Variants in DDHD1 observed in about 807,000 individuals in gnomAD.
The protein encoded by DDHD1 is phospholipase DDHD1.
Under a neutral mutation model 96.4 loss-of-function variants are expected in DDHD1, and 49 were observed. The ratio of observed to expected loss-of-function variants is 0.51; its 90% CI spans 0.40 to 0.64. DDHD1 has a LOEUF of 0.64. Ranked by LOEUF, DDHD1 falls within the 30% of genes least tolerant of loss-of-function variation. The pLI, the probability that DDHD1 is intolerant of heterozygous loss-of-function variation, is 0.00. For synonymous variants in DDHD1, 442 were observed against 446.5 expected (o/e 0.99, Z 0.13); for missense variants, 1,106 against 1,161.2 (o/e 0.95, Z 0.69).
At chr14:53,073,417 C>T (rs1258754007) in intron 5 of DDHD1, among the ~76,000 whole-genome samples, 1 of 151,928 alleles carries the variant, frequency 6.6e-6, no homozygotes, top group Non-Finnish European at 1.5e-5. Context: ...AAAGTACTGA[C>T]AAATCAACTT....
rs534574091 is a variant in DDHD1 at position 53,130,420 on chromosome 14, C to T, written c.838+21841G>A. On this transcript the variant is annotated intron_variant, in intron 1 of 12. Coordinates refer to ENST00000673822, the MANE Select transcript of DDHD1 (RefSeq NM_001160148.2). ...TTAACAACCCTTAGACGTTTTACCA[C>T]CCTAGACCCAGAGGGGCCAGAAGTC... Among the ~76,000 whole-genome samples the T allele has an allele frequency of 2.0e-5, 3 of 152,314 alleles. No individual in the cohort carries two copies. In the East Asian group the frequency reaches 5.8e-4, roughly 29 times the overall value.
chr14:53,150,628 T>C (rs1566612474), intron 1 of DDHD1, among the ~76,000 whole-genome samples: 1 of 152,190 alleles, frequency 6.6e-6, no homozygotes, highest in Non-Finnish European at 1.5e-5. Flanking sequence ...CCGTCCCCTC[T>C]CCAAGGATAC....
chr14:53,117,599 A>G (rs1205024016), intron 1 of DDHD1, among the ~76,000 whole-genome samples: 1 of 152,182 alleles, frequency 6.6e-6, no homozygotes, highest in Non-Finnish European at 1.5e-5. Flanking sequence ...GGAAAGGGGC[A>G]TCTGCCATTG....
chr14:53,149,125 T>G (rs1277483568), intron 1 of DDHD1, among the ~76,000 whole-genome samples: 1 of 152,368 alleles, frequency 6.6e-6, no homozygotes, highest in Non-Finnish European at 1.5e-5. Flanking sequence ...GAAGACAAAT[T>G]CTGTTCTCCT....
rs749564580 is a variant in DDHD1, at chr14:53,046,877, G to A, written c.2594C>T (p.Thr865Met). The A allele has an allele frequency of 1.2e-5, 19 of 1,613,690 alleles. No homozygotes were observed. The highest frequency in any genetic ancestry group is 2.2e-5 in the East Asian group (1 of 44,874). ...LVESRYWSAV[T>M]SHTAYWSSLD... ...GGATGACCAATAGGCAGTATGCGAC[G>A]TGACAGCTGACCAATAGCGGCTCTC... The change falls in exon 13 of 13, where the codon ACG becomes ATG. Residue 865 changes from threonine to methionine, a missense_variant. Transcript: ENST00000673822.
intron 1 of DDHD1, among the ~76,000 whole-genome samples, chr14:53,116,303 T>C (rs1888538710): frequency 6.6e-6 from 1 of 152,172 alleles, no homozygotes; most frequent in Admixed American, 6.5e-5. Flanking sequence ...ACTGTCAATA[T>C]TAGACGGATC....
At chr14:53,061,266 C>T in intron 7 of DDHD1, 65 bp from the exon 8 acceptor site, 1 of 1,417,314 alleles carries the variant, frequency 7.1e-7, no homozygotes, top group Non-Finnish European at 9.5e-7. Flanking sequence ...TAGATGCTTG[C>T]TAGCTTACTA....
At position 53,054,584 on chromosome 14, in the gene DDHD1, C is replaced by T; in HGVS notation, c.2291G>A (p.Arg764Lys). The T allele has an allele frequency of 6.2e-7, 1 of 1,614,038 alleles. No individual in the cohort carries two copies. The change falls in exon 11 of 13, where the codon AGA (arginine) becomes AAA (lysine). Residue 764 changes from arginine to lysine, a missense_variant. This residue lies in a region of DDHD1 where 650 missense variants were observed against 758.8 expected (regional missense o/e 0.86). Coordinates refer to ENST00000673822, the MANE Select transcript of DDHD1 (RefSeq NM_001160148.2). Reference sequence around the variant, plus strand: ...CTGTGTTGTAGATGAACGTCCAAATCTTGAGAACAACATTCCTCCAAGTCC... The same window carrying T: ...CTGTGTTGTAGATGAACGTCCAAATTTTGAGAACAACATTCCTCCAAGTCC... The part of the protein sequence containing the change: ...GKGLGGMLFS[R>K]FGRSSTTQSS...
chr14:53,086,472 G>A (rs533284501), intron 4 of DDHD1, among the ~76,000 whole-genome samples: 1 of 152,324 alleles, frequency 6.6e-6, no homozygotes, highest in South Asian at 2.1e-4. Flanking sequence ...AACTCCACAA[G>A]CCAGAAGAGA....
chr14:53,083,018 T>A (rs1885620870), intron 4 of DDHD1, among the ~76,000 whole-genome samples: 1 of 152,114 alleles, frequency 6.6e-6, no homozygotes, highest in Non-Finnish European at 1.5e-5. Flanking sequence ...GGACAAAGGA[T>A]AATGAGGGAA....
chr14:53,129,958 C>T lies in DDHD1; in HGVS notation c.838+22303G>A, dbSNP rs192242037. Among the ~76,000 whole-genome samples the T allele has an allele frequency of 6.6e-5, 10 of 152,296 alleles. No individual in the cohort carries two copies. In the East Asian group the frequency reaches 1.9e-3, roughly 29 times the overall value. On this transcript the variant is annotated intron_variant, in intron 1 of 12. Coordinates refer to ENST00000673822, the MANE Select transcript of DDHD1 (RefSeq NM_001160148.2). ...GCATTCTTTTACACATCGGTCCCTCCCTAGTCTCTGCTCGCAATGCGACTC... is the reference window on the plus strand; with the variant it reads ...GCATTCTTTTACACATCGGTCCCTCTCTAGTCTCTGCTCGCAATGCGACTC...
rs1959351 is a variant in DDHD1, at chr14:53,073,531, A to G, written c.1396+210T>C. Among the ~76,000 whole-genome samples the G allele has an allele frequency of 0.79, 120,046 of 151,990 alleles. 48,292 individuals are homozygous for G. Among genetic ancestry groups the G allele is most frequent in the East Asian group, 0.98 (5,083 of 5,180 alleles). On this transcript the variant is annotated intron_variant, in intron 5 of 12. Coordinates refer to ENST00000673822, the MANE Select transcript of DDHD1 (RefSeq NM_001160148.2). ...CAGTGCTATCTATGAAATCTATGTA[A>G]TGGTCCAAATGATATTAGTCAGTAT...
chr14:53,099,573 C>T (rs1887144520), intron 2 of DDHD1, among the ~76,000 whole-genome samples: 1 of 152,208 alleles, frequency 6.6e-6, no homozygotes, highest in Non-Finnish European at 1.5e-5. Context: ...ATGTGCTGCA[C>T]TTACCCATTC....
At chr14:53,067,061 T>A (rs754798413) in intron 6 of DDHD1, among the ~76,000 whole-genome samples, 1 of 151,606 alleles carries the variant, frequency 6.6e-6, no homozygotes, top group Non-Finnish European at 1.5e-5. Flanking sequence ...CAGGATAGTA[T>A]CAAGTAGGGG....
At chr14:53,083,488 T>C (rs530828170) in intron 4 of DDHD1, among the ~76,000 whole-genome samples, 7 of 152,348 alleles carry the variant, frequency 4.6e-5, no homozygotes, top group South Asian at 2.1e-4. Flanking sequence ...TCTCAGTCTA[T>C]GTAAGCGGTA....
At position 53,044,238 on chromosome 14, in the gene DDHD1, T is replaced by A. The variant is rs1881859578; in HGVS notation, c.*2530A>T. The stretch of plus-strand genomic sequence containing the variant: ...AAAACATCCATCCAGTAGTCCAGAA[T>A]ATCTTATTTTTGAAAAGGTTTTGAA... On this transcript the variant is annotated 3_prime_UTR_variant, in exon 13 of 13. Coordinates refer to ENST00000673822, the MANE Select transcript of DDHD1 (RefSeq NM_001160148.2). The A allele has an allele frequency of 6.6e-6, 1 of 152,182 alleles. No homozygotes were observed. Among genetic ancestry groups the A allele is most frequent in the Admixed American group, 6.5e-5 (1 of 15,286 alleles). 9.4% of individuals were successfully genotyped at this position (152,182 alleles called of 1,614,324 possible).
intron 1 of DDHD1, among the ~76,000 whole-genome samples, chr14:53,127,128 C>T (rs991203045): frequency 6.6e-6 from 1 of 151,876 alleles, no homozygotes; most frequent in South Asian, 2.1e-4. Flanking sequence ...CTAAAGTTAC[C>T]AGACAATTGA....
At chr14:53,123,393 C>T (rs373979355) in intron 1 of DDHD1, among the ~76,000 whole-genome samples, 4 of 152,042 alleles carry the variant, frequency 2.6e-5, no homozygotes, top group East Asian at 1.9e-4. Context: ...GGTGATCCAC[C>T]GACCTCGGCC....
At chr14:53,111,548 C>T (rs1888106274) in intron 1 of DDHD1, among the ~76,000 whole-genome samples, 1 of 152,120 alleles carries the variant, frequency 6.6e-6, no homozygotes, top group South Asian at 2.1e-4. Context: ...TTGAGTTTTC[C>T]TGTACAGGTC....
Sources: gnomAD v4.1 joint callset for allele counts (sites outside exome capture counted in the v4.1 genomes callset) on GRCh38, gnomAD v4.1.1 for gene constraint, gnomAD v4.1.1 regional missense constraint, MANE v1.5 for transcripts, NCBI Gene and HGNC (gene_info 2026-07-23, HGNC 2026-07-21) for gene names.